CLASP2: variants seen among roughly 807,000 people sequenced by gnomAD.
CLASP2 encodes cytoplasmic linker associated protein 2.
A neutral mutation model predicts 194.4 loss-of-function variants in CLASP2; 47 were observed. The ratio of observed to expected loss-of-function variants is 0.24; its 90% CI spans 0.19 to 0.31. The LOEUF (loss-of-function observed/expected upper bound fraction) is 0.31. Ranked by LOEUF, CLASP2 falls within the 10% of genes least tolerant of loss-of-function variation. The probability of loss-of-function intolerance (pLI) is 1.00; values close to 1 mark genes in which losing one functional copy is unlikely to be tolerated. For synonymous variants in CLASP2, 619 were observed against 633.5 expected, an observed-to-expected ratio of 0.98 and a Z score of 0.34; for missense variants, 1,445 against 1,823.6, an observed-to-expected ratio of 0.79 and a Z score of 3.78.
At chr3:33,590,199 A>T (rs1277322948) in intron 21 of CLASP2, among the ~76,000 whole-genome samples, 1 of 152,174 alleles carries the variant, frequency 6.6e-6, no homozygotes. Flanking sequence ...ACATCATTTA[A>T]TCCTCACAAC....
intron 10 of CLASP2, among the ~76,000 whole-genome samples, chr3:33,625,056 C>G (rs1167906005): frequency 6.6e-6 from 1 of 151,898 alleles, no homozygotes; most frequent in Non-Finnish European, 1.5e-5. Context: ...ATTTTAAAAT[C>G]TAACCTACAA....
At chr3:33,593,465 C>T (rs2069344666) in intron 20 of CLASP2, among the ~76,000 whole-genome samples, 1 of 151,964 alleles carries the variant, frequency 6.6e-6, no homozygotes, top group African/African-American at 2.4e-5. Context: ...TAGGAAAAAA[C>T]ATACTAAATA....
chr3:33,641,481 T>C (rs570201863), intron 8 of CLASP2, among the ~76,000 whole-genome samples: 31 of 151,996 alleles, frequency 2.0e-4, no homozygotes, highest in Non-Finnish European at 3.1e-4. Flanking sequence ...AACCTAGCCA[T>C]AGCCTTTTTT....
At chr3:33,690,637 C>T (rs1227436451) in intron 2 of CLASP2, among the ~76,000 whole-genome samples, 1 of 152,168 alleles carries the variant, frequency 6.6e-6, no homozygotes, top group East Asian at 1.9e-4. Context: ...CCATGGCCAA[C>T]TGTGGTCTGA....
At chr3:33,619,907 T>A (rs989730018) in intron 11 of CLASP2, among the ~76,000 whole-genome samples, 169 bp from the exon 12 acceptor site, 1 of 152,212 alleles carries the variant, frequency 6.6e-6, no homozygotes, top group Non-Finnish European at 1.5e-5. Flanking sequence ...ACTACATATT[T>A]CCTTCTTTTC....
chr3:33,541,691 G>A (rs1327431008), intron 32 of CLASP2, among the ~76,000 whole-genome samples: 1 of 152,150 alleles, frequency 6.6e-6, no homozygotes, highest in Non-Finnish European at 1.5e-5. Flanking sequence ...TGGCCACATA[G>A]TATTCCATGG....
intron 8 of CLASP2, among the ~76,000 whole-genome samples, chr3:33,640,361 G>C (rs2081051534): frequency 6.6e-6 from 1 of 152,152 alleles, no homozygotes; most frequent in East Asian, 1.9e-4. Flanking sequence ...TCTCAGGTTA[G>C]ACATAAAGTG....
At chr3:33,696,446 T>C (rs1415854940) in intron 2 of CLASP2, among the ~76,000 whole-genome samples, 1 of 144,890 alleles carries the variant, frequency 6.9e-6, no homozygotes, top group Non-Finnish European at 1.5e-5. Flanking sequence ...AAGTAGCAGA[T>C]CTCTGGGTTA....
At chr3:33,659,478 TA>T in intron 7 of CLASP2, 1 of 886,064 alleles carries the variant, frequency 1.1e-6, no homozygotes, top group Non-Finnish European at 1.4e-6. Flanking sequence ...TGCGCCTTTT[TA>T]AAAAGGTTTT....
At chr3:33,530,735 A>G (rs1011588729) in intron 34 of CLASP2, among the ~76,000 whole-genome samples, 1 of 152,204 alleles carries the variant, frequency 6.6e-6, no homozygotes, top group Non-Finnish European at 1.5e-5. Flanking sequence ...CACTGCATGA[A>G]ATGTTATGTA....
intron 1 of CLASP2, among the ~76,000 whole-genome samples, chr3:33,716,158 AG>A (rs760359887): frequency 1.3e-5 from 2 of 152,234 alleles, no homozygotes; most frequent in Non-Finnish European, 2.9e-5. Flanking sequence ...CACAGCTACA[AG>A]GAAGTGTATA....
intron 23 of CLASP2, 132 bp from the exon 24 acceptor site, chr3:33,576,407 G>C: frequency 1.7e-6 from 1 of 592,852 alleles, no homozygotes; most frequent in East Asian, 3.0e-5. Flanking sequence ...AAGCAATATT[G>C]TATTTTCTGG....
chr3:33,630,139 G>T (rs1297229904), intron 9 of CLASP2, among the ~76,000 whole-genome samples: 2 of 152,196 alleles, frequency 1.3e-5, no homozygotes, highest in Non-Finnish European at 2.9e-5. Flanking sequence ...AAGTGAGGAG[G>T]AGGTCTAGAA....
intron 8 of CLASP2, among the ~76,000 whole-genome samples, chr3:33,633,298 T>C (rs2079446151): frequency 6.6e-6 from 1 of 152,204 alleles, no homozygotes; most frequent in Non-Finnish European, 1.5e-5. Context: ...AATGTGACTC[T>C]GCAGCTCATC....
chr3:33,634,077 G>A (rs985105546), intron 8 of CLASP2, among the ~76,000 whole-genome samples: 3 of 152,098 alleles, frequency 2.0e-5, no homozygotes, highest in Non-Finnish European at 4.4e-5. Context: ...CAACTCCAAA[G>A]ACAGAGACAG....
intron 36 of CLASP2, among the ~76,000 whole-genome samples, chr3:33,515,644 G>T (rs2051106722): frequency 6.6e-6 from 1 of 152,022 alleles, no homozygotes; most frequent in African/African-American, 2.4e-5. Flanking sequence ...GTGAGATCCT[G>T]ATTCAACAAA....
chr3:33,646,494 A>G (rs916097794), intron 7 of CLASP2, among the ~76,000 whole-genome samples: 1 of 152,172 alleles, frequency 6.6e-6, no homozygotes, highest in African/African-American at 2.4e-5. Context: ...TACAATTCCA[A>G]ATAAACTTCT....
intron 1 of CLASP2, among the ~76,000 whole-genome samples, chr3:33,715,224 C>T (rs2093235163): frequency 6.6e-6 from 1 of 152,222 alleles, no homozygotes; most frequent in African/African-American, 2.4e-5. Flanking sequence ...GATTTACAAG[C>T]ACATGCTATC....
intron 8 of CLASP2, among the ~76,000 whole-genome samples, chr3:33,633,327 C>T (rs1393603684): frequency 6.6e-6 from 1 of 152,076 alleles, no homozygotes; most frequent in African/African-American, 2.4e-5. Flanking sequence ...AAACGAAGTC[C>T]CCAACCAATA....
Sources: allele counts gnomAD v4.1 joint callset (sites outside exome capture counted in the v4.1 genomes callset), GRCh38; gene constraint gnomAD v4.1.1; transcripts MANE v1.5; gene names NCBI Gene and HGNC (gene_info 2026-07-23, HGNC 2026-07-21).